The following PCDH15 variants were observed in gnomAD, a reference collection of about 807,000 sequenced individuals.
The protein encoded by PCDH15 is protocadherin related 15.
A neutral mutation model predicts 178.5 loss-of-function variants in PCDH15; 129 were observed. The ratio of observed to expected loss-of-function variants is 0.72; its 90% confidence interval spans 0.63 to 0.84. PCDH15 has a LOEUF of 0.84. Ranked by LOEUF, PCDH15 falls within the 40% of genes least tolerant of loss-of-function variation. The pLI is 0.00. For missense variants in PCDH15, 2,230 were observed against 2,099.9 expected (o/e 1.06, Z -1.21); for synonymous variants, 800 against 732.0 (o/e 1.09, Z -1.50).
intron 5 of PCDH15, among the ~76,000 whole-genome samples, chr10:54,354,269 G>A (rs188288470): frequency 6.6e-6 from 1 of 152,300 alleles, no homozygotes; most frequent in East Asian, 1.9e-4. Flanking sequence ...ACAAGCAAAA[G>A]CCACTGTGCC....
chr10:55,150,575 T>C (rs1838682116), intron 2 of PCDH15, among the ~76,000 whole-genome samples: 1 of 152,132 alleles, frequency 6.6e-6, no homozygotes, highest in African/African-American at 2.4e-5. Flanking sequence ...TTGATATGAT[T>C]TCACAACTGG....
At chr10:54,837,419 A>G (rs1309091294) in intron 3 of PCDH15, among the ~76,000 whole-genome samples, 2 of 152,200 alleles carry the variant, frequency 1.3e-5, no homozygotes, top group East Asian at 1.9e-4. Flanking sequence ...CTCAAGTAGT[A>G]TTAGAAAAAC....
chr10:54,805,620 C>T (rs1057353226), upstream of PCDH15, among the ~76,000 whole-genome samples: 1 of 151,966 alleles, frequency 6.6e-6, no homozygotes, highest in African/African-American at 2.4e-5. Flanking sequence ...CTTTTTTTAA[C>T]CCTAGCACTT....
At chr10:54,503,811 C>A (rs187223628) in intron 3 of PCDH15, among the ~76,000 whole-genome samples, 1 of 152,146 alleles carries the variant, frequency 6.6e-6, no homozygotes, top group Non-Finnish European at 1.5e-5. Context: ...ACTTAAAGAC[C>A]TGGAATGTCT....
At chr10:55,219,929 G>T (rs1247245031) in intron 1 of PCDH15, among the ~76,000 whole-genome samples, 1 of 150,186 alleles carries the variant, frequency 6.7e-6, no homozygotes, top group Middle Eastern at 3.4e-3. Flanking sequence ...TTCCTAACAT[G>T]TTAGGTCATC....
chr10:54,845,899 A>C (rs1489431200), intron 3 of PCDH15, among the ~76,000 whole-genome samples: 2 of 152,146 alleles, frequency 1.3e-5, no homozygotes, highest in East Asian at 3.8e-4. Flanking sequence ...TCCAATGCCT[A>C]TGAACCAGGT....
intron 26 of PCDH15, among the ~76,000 whole-genome samples, chr10:53,891,298 T>C (rs2593106): frequency 0.66 from 101,115 of 152,062 alleles, 34,351 homozygotes; most frequent in East Asian, 0.88. Flanking sequence ...GTCAGTATTC[T>C]TGCTCTACAG....
chr10:55,502,016 T>G (rs1840667976), intron 2 of PCDH15, among the ~76,000 whole-genome samples: 1 of 151,722 alleles, frequency 6.6e-6, no homozygotes, highest in African/African-American at 2.4e-5. Context: ...CTTGCAGGTC[T>G]TTGTAACTAT....
intron 8 of PCDH15, among the ~76,000 whole-genome samples, chr10:54,294,343 T>C (rs1399745070): frequency 2.0e-5 from 3 of 151,942 alleles, no homozygotes; most frequent in Non-Finnish European, 4.4e-5. Context: ...AGGGATAGCA[T>C]TGGGAGAATT....
chr10:55,111,255 C>T (rs1446560937), intron 2 of PCDH15, among the ~76,000 whole-genome samples: 1 of 151,984 alleles, frequency 6.6e-6, no homozygotes, highest in African/African-American at 2.4e-5. Context: ...TCTATAAATC[C>T]TCTTAAAACA....
At chr10:54,721,529 G>C (rs1941597855) in intron 1 of PCDH15, among the ~76,000 whole-genome samples, 1 of 151,810 alleles carries the variant, frequency 6.6e-6, no homozygotes, top group South Asian at 2.1e-4. Context: ...ATGAGAAGTG[G>C]TAAAAGTGAC....
At position 53,822,072 on chromosome 10, in the gene PCDH15, T is replaced by C; in HGVS notation, c.4368-1842A>G. The C allele has an allele frequency of 6.2e-7, 1 of 1,614,108 alleles. No individual in the cohort carries two copies. Among genetic ancestry groups the C allele is most frequent in the Admixed American group, 1.7e-5 (1 of 60,006 alleles). On this transcript the variant is annotated intron_variant, in intron 32 of 37. Coordinates refer to ENST00000644397, the MANE Select transcript of PCDH15 (RefSeq NM_001384140.1). ...TTCAAGTTCTGCTAAGTTTTTAACG[T>C]GTCTGAGGATGCCTTTTGGTTCTCT...
intron 27 of PCDH15, among the ~76,000 whole-genome samples, chr10:53,864,121 T>C (rs76945105): frequency 0.026 from 3,967 of 152,176 alleles, 55 homozygotes; most frequent in South Asian, 0.038. Flanking sequence ...TAATTTAAAT[T>C]GATACTGATG....
intron 1 of PCDH15, among the ~76,000 whole-genome samples, chr10:55,309,888 A>G (rs1371261303): frequency 1.3e-5 from 2 of 152,140 alleles, no homozygotes; most frequent in African/African-American, 4.8e-5. Flanking sequence ...AAGGGTCATG[A>G]CTGCTCTTCA....
chr10:55,563,670 C>T (rs369706614), intron 2 of PCDH15, among the ~76,000 whole-genome samples: 2 of 149,646 alleles, frequency 1.3e-5, no homozygotes, highest in Non-Finnish European at 3.0e-5. Flanking sequence ...GATGGTAGAT[C>T]TACTACATAA....
intron 2 of PCDH15, among the ~76,000 whole-genome samples, chr10:54,899,930 G>A (rs1260908250): frequency 1.4e-5 from 1 of 71,066 alleles, no homozygotes; most frequent in Non-Finnish European, 2.7e-5. Context: ...ATAATAAAGT[G>A]CTTTAAAAAA....
chr10:54,253,482 C>T lies in PCDH15; in HGVS notation c.877-16551G>A, dbSNP rs2056663377. ...AGTGAGTTATATATTTTATTGACTTCCTCTAGTTCTGTATCATCCAGCATA... is the reference window on the plus strand; with the variant it reads ...AGTGAGTTATATATTTTATTGACTTTCTCTAGTTCTGTATCATCCAGCATA... On this transcript the variant is annotated intron_variant, in intron 8 of 37. Coordinates refer to ENST00000644397, the MANE Select transcript of PCDH15 (RefSeq NM_001384140.1). Among the ~76,000 whole-genome samples, 3 of 151,960 alleles carry T rather than the reference C, an allele frequency of 2.0e-5. No individual in the cohort carries two copies. The South Asian group carries it at 6.2e-4, about 31-fold the overall frequency.
At chr10:54,514,813 G>GAAATA (rs1466405338) in intron 3 of PCDH15, among the ~76,000 whole-genome samples, 1 of 152,124 alleles carries the variant, frequency 6.6e-6, no homozygotes, top group Non-Finnish European at 1.5e-5. Flanking sequence ...TACTTGCTAT[G>GAAATA]CAATACAGAA....
chr10:54,727,103 A>G (rs1942657958), intron 1 of PCDH15, among the ~76,000 whole-genome samples: 1 of 151,472 alleles, frequency 6.6e-6, no homozygotes, highest in African/African-American at 2.4e-5. Context: ...TGAGCCTAAC[A>G]GATATCTATA....
Sources: allele counts gnomAD v4.1 joint callset (sites outside exome capture counted in the v4.1 genomes callset), GRCh38; gene constraint gnomAD v4.1.1; transcripts MANE v1.5; gene names NCBI Gene and HGNC (gene_info 2026-07-23, HGNC 2026-07-21).